SENP2: variants seen among roughly 807,000 people sequenced by gnomAD.
SENP2 encodes the protein SUMO specific peptidase 2.
A neutral mutation model predicts 86.3 loss-of-function variants in SENP2; 16 were observed. The observed-to-expected ratio is 0.19, with a 90% CI of 0.13 to 0.28. The LOEUF is 0.28. Among genes scored for constraint, SENP2 ranks in the 10% least tolerant of loss-of-function variants. The pLI is 1.00. For missense variants in SENP2, 552 were observed against 703.0 expected (o/e 0.79, Z 2.43); for synonymous variants, 222 against 238.7 (o/e 0.93, Z 0.64).
intron 14 of SENP2, among the ~76,000 whole-genome samples, chr3:185,623,252 C>T (rs1711976000): frequency 6.6e-6 from 1 of 152,028 alleles, no homozygotes; most frequent in Non-Finnish European, 1.5e-5. Context: ...AGAGATTCTC[C>T]TGCCTCAGCT....
chr3:185,586,541 G>T lies in SENP2; in HGVS notation c.101+27G>T. The T allele has an allele frequency of 6.3e-7, 1 of 1,597,566 alleles. No homozygotes were observed. Among genetic ancestry groups the T allele is most frequent in the Non-Finnish European group, 8.5e-7 (1 of 1,169,792 alleles). ...TGAGACGAGAGGGGGCTGAGCGCCA[G>T]CCTGGCCTTACCCCCTCCCCCACAG... On this transcript the variant is annotated intron_variant, in intron 1 of 16. Coordinates refer to ENST00000296257, the MANE Select transcript of SENP2 (RefSeq NM_021627.3). This position sits in a 1 kb window ranked among gnomAD's most constrained non-coding sequence, Gnocchi z 4.3.
Position 185,614,567 on chromosome 3 carries a change from A to T in SENP2, c.937A>T (p.Arg313Trp), listed in dbSNP as rs929525384. 1.2e-6 allele frequency: 2 copies of T among 1,609,942 alleles called. No homozygotes were observed. Among genetic ancestry groups the T allele is most frequent in the Non-Finnish European group, 1.7e-6 (2 of 1,178,588 alleles). ...VGIRFENESR[R>W]GYQLEPDLSE... ...ATTTAGATAATTTTTTGATCAGAGGAGGGGATACCAACTGGAGCCTGACCT... is the reference window on the plus strand; with the variant it reads ...ATTTAGATAATTTTTTGATCAGAGGTGGGGATACCAACTGGAGCCTGACCT... Residue 313 changes from arginine to tryptophan, a missense_variant, in exon 11 of 17, where the codon AGG (arginine) becomes TGG (tryptophan). Coordinates refer to ENST00000296257, the MANE Select transcript of SENP2 (RefSeq NM_021627.3).
intron 14 of SENP2, 132 bp from the exon 15 acceptor site, chr3:185,623,866 C>A: frequency 2.5e-6 from 1 of 395,982 alleles, no homozygotes; most frequent in Non-Finnish European, 4.4e-6. Context: ...AAAGCAGTCA[C>A]GTTTTTAAAA....
Position 185,600,779 on chromosome 3 carries a change from A to G in SENP2, c.373A>G (p.Asn125Asp). 1.2e-6 allele frequency: 2 copies of G among 1,601,880 alleles called. No homozygotes were observed. Among genetic ancestry groups the G allele is most frequent in the Non-Finnish European group, 1.7e-6 (2 of 1,169,646 alleles). Residue 125 changes from asparagine to aspartate, a missense_variant, in exon 5 of 17, where the codon AAT becomes GAT. Coordinates refer to ENST00000296257, the MANE Select transcript of SENP2 (RefSeq NM_021627.3). ...NMLKLGNKSP[N>D]GISDYPKIRV... ...TTTTTAAATAGGTAATAAATCTCCT[A>G]ATGGAATAAGTGACTATCCAAAGAT... is the stretch of plus-strand genomic sequence containing the variant.
intron 13 of SENP2, among the ~76,000 whole-genome samples, chr3:185,619,806 C>T (rs985952990): frequency 6.6e-6 from 1 of 152,062 alleles, no homozygotes; most frequent in Non-Finnish European, 1.5e-5. Context: ...TAGCTCATTG[C>T]AGCCTGGAAG....
chr3:185,593,055 A>G (rs1431031770), intron 2 of SENP2, among the ~76,000 whole-genome samples: 1 of 152,238 alleles, frequency 6.6e-6, no homozygotes. Context: ...TTTTCAGCTC[A>G]TCGAGTCTCA....
chr3:185,600,743 T>C, intron 4 of SENP2, 22 bp from the exon 5 acceptor site: 5 of 1,480,664 alleles, frequency 3.4e-6, no homozygotes, highest in Non-Finnish European at 4.7e-6. Flanking sequence ...ATTTTACAAT[T>C]ACAAATGCAT....
At chr3:185,592,619 CTTT>C (rs34907174) in intron 2 of SENP2, among the ~76,000 whole-genome samples, 10 of 142,276 alleles carry the variant, frequency 7.0e-5, no homozygotes, top group Admixed American at 7.0e-5. Context: ...ACAGGGTCTC[CTTT>C]TTTTTTTTTT....
intron 2 of SENP2, among the ~76,000 whole-genome samples, chr3:185,590,901 C>CTTTTTTTT (rs1158491597): frequency 2.1e-5 from 2 of 94,178 alleles, no homozygotes; most frequent in East Asian, 3.9e-4. Flanking sequence ...AGAAAGTCTC[C>CTTTTTTTT]TTTTTTTTTT....
intron 5 of SENP2, among the ~76,000 whole-genome samples, chr3:185,602,178 C>A (rs1722367573): frequency 6.6e-6 from 1 of 152,104 alleles, no homozygotes; most frequent in African/African-American, 2.4e-5. Flanking sequence ...TTGGTCTGAT[C>A]TTTGAAGTTA....
At chr3:185,589,792 G>C (rs187353287) in intron 1 of SENP2, among the ~76,000 whole-genome samples, 1 of 152,194 alleles carries the variant, frequency 6.6e-6, no homozygotes, top group East Asian at 1.9e-4. Flanking sequence ...CCTTAGTGTA[G>C]CTGGGACCAC....
intron 2 of SENP2, among the ~76,000 whole-genome samples, chr3:185,593,190 T>A (rs527322668): frequency 6.6e-6 from 1 of 152,178 alleles, no homozygotes; most frequent in Admixed American, 6.5e-5. Context: ...TATGGGAAAG[T>A]TGTGTAAATT....
intron 6 of SENP2, among the ~76,000 whole-genome samples, chr3:185,608,443 G>C (rs1018087954): frequency 6.6e-5 from 10 of 152,166 alleles, no homozygotes; most frequent in Non-Finnish European, 1.2e-4. Flanking sequence ...ATCACTATGT[G>C]TCACTTACAA....
intron 5 of SENP2, among the ~76,000 whole-genome samples, chr3:185,603,953 C>T (rs1167714510): frequency 2.0e-5 from 3 of 152,040 alleles, no homozygotes; most frequent in Non-Finnish European, 4.4e-5. Context: ...GAAACCCCAT[C>T]TCTACTAAAA....
At chr3:185,604,703 A>C (rs1028850642) in intron 5 of SENP2, among the ~76,000 whole-genome samples, 1 of 151,814 alleles carries the variant, frequency 6.6e-6, no homozygotes. Flanking sequence ...ACCATTTAAG[A>C]GTCTTTGATT....
At chr3:185,616,632 G>T (rs964472771) in intron 11 of SENP2, among the ~76,000 whole-genome samples, 1 of 151,970 alleles carries the variant, frequency 6.6e-6, no homozygotes, top group East Asian at 1.9e-4. Context: ...AAAATTAGCC[G>T]GGCGTGGTGG....
chr3:185,595,161 A>ACTCACTCAGGGG (rs1722135456), intron 2 of SENP2, among the ~76,000 whole-genome samples: 1 of 152,178 alleles, frequency 6.6e-6, no homozygotes, highest in Non-Finnish European at 1.5e-5. Context: ...AGATCTTTTG[A>ACTCACTCAGGGG]CATAATCTCA....
rs545034923 is a variant in SENP2 at position 185,600,335 on chromosome 3, T to A, written c.359-430T>A. On this transcript the variant is annotated intron_variant, in intron 4 of 16. Transcript: ENST00000296257. Reference sequence around the variant, plus strand: ...GTTTCTTGTGTAAAGAGGTCCATAATCGGTTATCTGCAACCCCTGGGAGCC... The same window carrying A: ...GTTTCTTGTGTAAAGAGGTCCATAAACGGTTATCTGCAACCCCTGGGAGCC... 4.6e-5 allele frequency among the ~76,000 whole-genome samples: 7 copies of A among 152,290 alleles called. No homozygotes were observed. In the East Asian group the frequency reaches 1.2e-3, roughly 25 times the overall value.
At chr3:185,602,226 C>G (rs192507740) in intron 5 of SENP2, among the ~76,000 whole-genome samples, 2 of 152,216 alleles carry the variant, frequency 1.3e-5, no homozygotes, top group East Asian at 3.9e-4. Context: ...CTTGGCTATC[C>G]ACTTATATTT....
Sources: gnomAD v4.1 joint callset for allele counts (sites outside exome capture counted in the v4.1 genomes callset) on GRCh38, gnomAD v4.1.1 for gene constraint, Gnocchi (gnomAD v3.1) non-coding constraint, MANE v1.5 for transcripts, NCBI Gene and HGNC (gene_info 2026-07-23, HGNC 2026-07-21) for gene names.